Variants in SEMA3A observed in about 807,000 individuals in gnomAD.
SEMA3A encodes semaphorin-3A.
SEMA3A carries 29 observed loss-of-function variants against 97.9 expected under a neutral mutation model. That is an observed-to-expected ratio of 0.30 (90% confidence interval 0.22 to 0.40). The LOEUF (loss-of-function observed/expected upper bound fraction) is 0.40. Ranked by LOEUF, SEMA3A falls within the 10% of genes least tolerant of loss-of-function variation. The probability of loss-of-function intolerance (pLI) is 1.00; values close to 1 mark genes in which losing one functional copy is unlikely to be tolerated. For synonymous variants in SEMA3A, 321 were observed against 323.7 expected, an observed-to-expected ratio of 0.99 and a Z score of 0.09; for missense variants, 763 against 951.3, an observed-to-expected ratio of 0.80 and a Z score of 2.60.
chr7:84,411,301 T>C (rs922453223), intron 1 of SEMA3A, among the ~76,000 whole-genome samples: 7 of 152,096 alleles, frequency 4.6e-5, no homozygotes, highest in Non-Finnish European at 2.9e-5. Flanking sequence ...CATTAAGGGA[T>C]AAAGTAGAAA....
intron 4 of SEMA3A, among the ~76,000 whole-genome samples, chr7:84,061,385 C>A (rs2691702): frequency 0.34 from 51,879 of 151,950 alleles, 10,745 homozygotes; most frequent in African/African-American, 0.58. Flanking sequence ...ACGCTTGAGA[C>A]CCTGTTGTCA....
intron 14 of SEMA3A, among the ~76,000 whole-genome samples, chr7:83,978,366 C>T (rs1477940147): frequency 1.3e-5 from 2 of 152,122 alleles, no homozygotes; most frequent in African/African-American, 4.8e-5. Flanking sequence ...TATCCTTTTT[C>T]TACATTTTGC....
intron 1 of SEMA3A, among the ~76,000 whole-genome samples, chr7:84,143,490 A>T (rs561433615): frequency 7.1e-6 from 1 of 140,756 alleles, no homozygotes; most frequent in Non-Finnish European, 1.6e-5. Flanking sequence ...TTGCATCCAT[A>T]GATGCTTTTA....
At chr7:84,205,990 G>A (rs1045707670) in intron 3 of SEMA3A, among the ~76,000 whole-genome samples, 4 of 152,128 alleles carry the variant, frequency 2.6e-5, no homozygotes, top group African/African-American at 9.7e-5. Context: ...AGAGTGCCAG[G>A]ATGAAAATAA....
At chr7:84,172,245 A>G (rs1401508507) in intron 1 of SEMA3A, among the ~76,000 whole-genome samples, 1 of 152,180 alleles carries the variant, frequency 6.6e-6, no homozygotes, top group Non-Finnish European at 1.5e-5. Context: ...TTGACACTCT[A>G]GGTCAAGAGG....
intron 15 of SEMA3A, among the ~76,000 whole-genome samples, chr7:83,968,875 A>ATC (rs1788818480): frequency 7.6e-6 from 1 of 131,318 alleles, no homozygotes; most frequent in Non-Finnish European, 1.5e-5. Context: ...CAGTGGCACG[A>ATC]TCTCGGCTCA....
intron 4 of SEMA3A, among the ~76,000 whole-genome samples, chr7:84,093,924 TAAAAAA>T (rs34607045): frequency 6.8e-6 from 1 of 146,568 alleles, no homozygotes; most frequent in South Asian, 2.2e-4. Flanking sequence ...TCCTAGAACT[TAAAAAA>T]AAAAAAAAAG....
chr7:84,316,814 C>T lies in SEMA3A; in HGVS notation c.-168-9522G>A, dbSNP rs1801516070. On this transcript the variant is annotated intron_variant, in intron 2 of 3. Coordinates refer to the SEMA3A transcript ENST00000424555. ...TAAAGGACAAGGAGAGGTTGCGGGG[C>T]GCCCACAATCAAGCCGATTAAACTG... Among the ~76,000 whole-genome samples, 4 of 152,044 alleles carry T rather than the reference C, an allele frequency of 2.6e-5. 1 individual carries two copies. Among genetic ancestry groups the T allele is most frequent in the South Asian group, 4.2e-4 (2 of 4,816 alleles).
At chr7:84,345,665 A>G (rs1483448235) in intron 2 of SEMA3A, among the ~76,000 whole-genome samples, 1 of 152,168 alleles carries the variant, frequency 6.6e-6, no homozygotes, top group Non-Finnish European at 1.5e-5. Context: ...CTCCTTATCC[A>G]TTGGAGTTTT....
intron 1 of SEMA3A, among the ~76,000 whole-genome samples, chr7:84,454,341 C>A (rs1322306452): frequency 6.6e-6 from 1 of 152,092 alleles, no homozygotes; most frequent in East Asian, 1.9e-4. Flanking sequence ...ACAGATAAGT[C>A]ATTTCTTGGC....
intron 2 of SEMA3A, among the ~76,000 whole-genome samples, chr7:84,326,316 CTATAG>C (rs1801774694): frequency 6.6e-6 from 1 of 152,028 alleles, no homozygotes; most frequent in South Asian, 2.1e-4. Flanking sequence ...TTGATTAATT[CTATAG>C]TATAAAGAGA....
chr7:84,350,150 C>A (rs1040412724), intron 2 of SEMA3A, among the ~76,000 whole-genome samples: 11 of 152,092 alleles, frequency 7.2e-5, no homozygotes, highest in African/African-American at 2.7e-4. Flanking sequence ...TTTCCATGAC[C>A]TTTCAGATAA....
At chr7:84,026,652 T>C (rs371846431) in intron 6 of SEMA3A, among the ~76,000 whole-genome samples, 32 of 152,218 alleles carry the variant, frequency 2.1e-4, no homozygotes, top group African/African-American at 7.5e-4. Flanking sequence ...ATGTACACCA[T>C]GGAATACTAT....
At position 84,316,498 on chromosome 7, in the gene SEMA3A, C is replaced by T. The variant is rs1801504322; in HGVS notation, c.-168-9206G>A. The stretch of plus-strand genomic sequence containing the variant: ...ACAAAAAACTCCTTAGTTTTTGGAT[C>T]ATACATAGTATATTACCACCCTATG... On this transcript the variant is annotated intron_variant, in intron 2 of 3. Transcript: ENST00000424555. Among the ~76,000 whole-genome samples the T allele has an allele frequency of 2.0e-5, 3 of 151,992 alleles. 1 individual carries two copies. In the South Asian group the frequency reaches 6.2e-4, roughly 31 times the overall value.
At chr7:84,067,160 A>C (rs905008323) in intron 4 of SEMA3A, among the ~76,000 whole-genome samples, 13 of 152,208 alleles carry the variant, frequency 8.5e-5, no homozygotes, top group African/African-American at 3.1e-4. Context: ...TGAGAAAAAC[A>C]AGCAATCGGG....
intron 3 of SEMA3A, among the ~76,000 whole-genome samples, chr7:84,284,068 T>A (rs1483475252): frequency 6.6e-6 from 1 of 152,158 alleles, no homozygotes; most frequent in African/African-American, 2.4e-5. Flanking sequence ...GTTATCAACA[T>A]CATGTCTGAA....
chr7:84,279,399 T>C (rs1800382860), intron 3 of SEMA3A, among the ~76,000 whole-genome samples: 1 of 152,060 alleles, frequency 6.6e-6, no homozygotes, highest in South Asian at 2.1e-4. Flanking sequence ...CTTGGAGAAA[T>C]ACTGGAAAAT....
Position 84,477,714 on chromosome 7 carries a change from A to G in SEMA3A, c.-246+14746T>C, listed in dbSNP as rs535431271. 5.9e-5 allele frequency among the ~76,000 whole-genome samples: 9 copies of G among 152,282 alleles called. No homozygotes were observed. In the South Asian group the frequency reaches 1.7e-3, roughly 28 times the overall value. ...TGTGAGATCTACAAAATAAAGAATGAAACAGTGAATTAATATCCTCTTAGC... is the reference window on the plus strand; with the variant it reads ...TGTGAGATCTACAAAATAAAGAATGGAACAGTGAATTAATATCCTCTTAGC... On this transcript the variant is annotated intron_variant, in intron 1 of 3. Coordinates refer to the SEMA3A transcript ENST00000424555.
intron 13 of SEMA3A, among the ~76,000 whole-genome samples, chr7:83,984,356 C>T (rs757800364): frequency 6.6e-6 from 1 of 152,090 alleles, no homozygotes; most frequent in African/African-American, 2.4e-5. Context: ...ATCGTATCTG[C>T]ACTCTGGGTT....
Sources: allele counts gnomAD v4.1 joint callset (sites outside exome capture counted in the v4.1 genomes callset), GRCh38; gene constraint gnomAD v4.1.1; transcripts MANE v1.5; gene names NCBI Gene and HGNC (gene_info 2026-07-23, HGNC 2026-07-21).